The following ERMP1 variants were observed in gnomAD, a reference collection of about 807,000 sequenced individuals.
ERMP1 encodes the protein Felix-ina.
In ERMP1, 86 loss-of-function variants were observed where a neutral mutation model predicts 92.0. That is an observed-to-expected ratio of 0.93 (90% CI 0.79 to 1.12). ERMP1 has a LOEUF of 1.12. ERMP1 is among the 50% of genes most tolerant of loss of function. The probability of loss-of-function intolerance (pLI) is 0.00; values close to 1 mark genes in which losing one functional copy is unlikely to be tolerated. For missense variants in ERMP1, 1,342 were observed against 1,116.3 expected (o/e 1.20, Z -2.88); for synonymous variants, 530 against 412.8 (o/e 1.28, Z -3.44).
At chr9:5,811,757 C>A (rs931026903) in intron 6 of ERMP1, among the ~76,000 whole-genome samples, 3 of 152,108 alleles carry the variant, frequency 2.0e-5, no homozygotes, top group African/African-American at 7.2e-5. Context: ...GAGACAAAGG[C>A]CTTTCACGAA....
At chr9:5,847,980 A>T (rs1174787225) in intron 6 of ERMP1, among the ~76,000 whole-genome samples, 3 of 152,106 alleles carry the variant, frequency 2.0e-5, no homozygotes, top group Non-Finnish European at 4.4e-5. Context: ...GTTTATTATT[A>T]TCCTGGTTTT....
intron 6 of ERMP1, among the ~76,000 whole-genome samples, chr9:5,843,338 T>A (rs778357084): frequency 6.6e-5 from 10 of 152,352 alleles, no homozygotes; most frequent in African/African-American, 2.4e-4. Context: ...GCTCTGTTAA[T>A]GTTGGAAACA....
At chr9:5,832,413 T>C in intron 1 of ERMP1, 1 of 412,060 alleles carries the variant, frequency 2.4e-6, no homozygotes, top group Non-Finnish European at 4.3e-6. Context: ...CAACCAACCA[T>C]CTGCACGAAG....
rs771736095 is a variant in ERMP1 at position 5,804,662 on chromosome 9, C to T, written c.1914+365G>A. On this transcript the variant is annotated intron_variant, in intron 10 of 14. Coordinates refer to ENST00000339450, the MANE Select transcript of ERMP1 (RefSeq NM_024896.3). Reference sequence around the variant, plus strand: ...CACCCATGTATCTATTAACATGTGCCTCTAATTAGTAATTTCAAAATATAC... The same window carrying T: ...CACCCATGTATCTATTAACATGTGCTTCTAATTAGTAATTTCAAAATATAC... Among the ~76,000 whole-genome samples, 172 of 152,278 alleles carry T rather than the reference C, an allele frequency of 1.1e-3. 2 individuals are homozygous for T. Among genetic ancestry groups the T allele is most frequent in the Non-Finnish European group, 2.3e-3 (159 of 68,022 alleles).
chr9:5,788,085 G>C (rs924532327), intron 13 of ERMP1, among the ~76,000 whole-genome samples: 4 of 152,086 alleles, frequency 2.6e-5, no homozygotes, highest in Admixed American at 2.6e-4. Context: ...GTCATCACTG[G>C]GAACTTCCAA....
intron 5 of ERMP1, among the ~76,000 whole-genome samples, chr9:5,862,307 C>T (rs1355397459): frequency 2.0e-5 from 3 of 152,066 alleles, no homozygotes; most frequent in Non-Finnish European, 4.4e-5. Flanking sequence ...GCTGGGATTA[C>T]AGACATGAGC....
rs1204463939 is a variant in ERMP1, at chr9:5,806,609, A to C, written c.1549-824T>G. Among the ~76,000 whole-genome samples the C allele has an allele frequency of 1.4e-5, 2 of 147,436 alleles. 1 individual carries two copies. The highest frequency in any genetic ancestry group is 4.3e-4 in the South Asian group (2 of 4,632). ...ACACCCAGCAAAGTTTAAAAAAAAC[A>C]TTTTTTTTTTGGCAGAGACAGGGTC... On this transcript the variant is annotated intron_variant, in intron 8 of 14. Coordinates refer to ENST00000339450, the MANE Select transcript of ERMP1 (RefSeq NM_024896.3).
chr9:5,791,402 T>G (rs1021713754), intron 13 of ERMP1: 2 of 440,744 alleles, frequency 4.5e-6, no homozygotes, highest in African/African-American at 2.0e-5. Context: ...TGAGGCTCAC[T>G]TGCATTATGG....
At chr9:5,826,145 C>G (rs1448375185) in intron 2 of ERMP1, among the ~76,000 whole-genome samples, 1 of 152,168 alleles carries the variant, frequency 6.6e-6, no homozygotes, top group Non-Finnish European at 1.5e-5. Context: ...GAAACAAGAT[C>G]AGACTGCTGA....
chr9:5,824,334 G>A lies in ERMP1; in HGVS notation c.769-333C>T, dbSNP rs1829654294. On this transcript the variant is annotated intron_variant, in intron 3 of 14. Coordinates refer to ENST00000339450, the MANE Select transcript of ERMP1 (RefSeq NM_024896.3). The stretch of plus-strand genomic sequence containing the variant: ...CACACCTGTAATCCCAAAACTTTGG[G>A]AGGCCATGGTGGGAAGATCACCCGA... 2.6e-5 allele frequency among the ~76,000 whole-genome samples: 4 copies of A among 152,314 alleles called. No individual in the cohort carries two copies. The South Asian group carries it at 6.2e-4, about 24-fold the overall frequency.
At chr9:5,834,584 C>G (rs1340893623), upstream of ERMP1, among the ~76,000 whole-genome samples, 1 of 152,216 alleles carries the variant, frequency 6.6e-6, no homozygotes, top group Non-Finnish European at 1.5e-5. Flanking sequence ...AGATCCCTTT[C>G]AGTCTGTAAG....
At chr9:5,840,300 G>C (rs1160237890) in intron 6 of ERMP1, among the ~76,000 whole-genome samples, 2 of 152,140 alleles carry the variant, frequency 1.3e-5, no homozygotes, top group South Asian at 4.1e-4. Context: ...AGGGAGGAAG[G>C]TTGGGAGGGA....
rs1012136640 is a variant in ERMP1, at chr9:5,786,306, A to T, written c.*838T>A. The T allele has an allele frequency of 1.2e-4, 19 of 152,350 alleles. No homozygotes were observed. The highest frequency in any genetic ancestry group is 4.6e-4 in the African/African-American group (19 of 41,580). The allele number at this position is 152,350 out of a possible 1,614,324, so 9.4% of individuals were successfully genotyped here. On this transcript the variant is annotated 3_prime_UTR_variant, in exon 15 of 15. Coordinates refer to ENST00000339450, the MANE Select transcript of ERMP1 (RefSeq NM_024896.3). ...CCCAGAATAGCCCAGATGGCAGCTC[A>T]GTGCTCTGAGGAAGGAAGTTAAGGT...
At chr9:5,823,083 G>C (rs951614968) in intron 4 of ERMP1, among the ~76,000 whole-genome samples, 1 of 152,126 alleles carries the variant, frequency 6.6e-6, no homozygotes, top group Non-Finnish European at 1.5e-5. Flanking sequence ...CCAGGAGTTT[G>C]AGACCAGCCT....
chr9:5,787,060 C>A lies in ERMP1; in HGVS notation c.*84G>T. On this transcript the variant is annotated 3_prime_UTR_variant, in exon 15 of 15. Transcript: ENST00000339450. The stretch of plus-strand genomic sequence containing the variant: ...ATGATCATTAAAATTCATTGACTTA[C>A]GTTACAAACATCCACGTAACATAGG... 1 of 1,316,302 alleles carries A rather than the reference C, an allele frequency of 7.6e-7. No individual in the cohort carries two copies. Among genetic ancestry groups the A allele is most frequent in the Non-Finnish European group, 1.0e-6 (1 of 955,064 alleles). 81.5% of individuals were successfully genotyped at this position (1,316,302 alleles called of 1,614,324 possible). A position where few individuals can be genotyped will look rare whatever the true frequency, so the allele number is the denominator to read the frequency against.
rs574971511 is a variant in ERMP1 at position 5,832,998 on chromosome 9, C to T, written c.30G>A (p.Val10=). 5 of 1,558,392 alleles carry T rather than the reference C, an allele frequency of 3.2e-6. No individual in the cohort carries two copies. The highest frequency in any genetic ancestry group is 4.3e-6 in the Non-Finnish European group (5 of 1,163,176). MEWGSESAA[V]RRHRVGVERR... is the part of the protein sequence containing the mutation. ...GCTCTACTCCGACGCGGTGCCGCCT[C>T]ACAGCAGCCGACTCAGAACCCCACT... The change falls in exon 1 of 15, where the codon GTG becomes GTA. Residue 10 remains valine (V), a synonymous_variant. Transcript: ENST00000339450.
intron 6 of ERMP1, among the ~76,000 whole-genome samples, chr9:5,845,154 TTGTTG>T (rs1563780205): frequency 1.2e-5 from 1 of 83,994 alleles, no homozygotes; most frequent in South Asian, 4.1e-4. Flanking sequence ...TTTTTTTTTT[TTGTTG>T]TTGTGGTGGT....
At chr9:5,788,233 TCA>T (rs1828022625) in intron 13 of ERMP1, among the ~76,000 whole-genome samples, 1 of 152,212 alleles carries the variant, frequency 6.6e-6, no homozygotes, top group Non-Finnish European at 1.5e-5. Flanking sequence ...GGGAGCAATC[TCA>T]CACACTTGTG....
At chr9:5,827,479 T>C (rs1397869659) in intron 2 of ERMP1, among the ~76,000 whole-genome samples, 1 of 152,274 alleles carries the variant, frequency 6.6e-6, no homozygotes, top group Non-Finnish European at 1.5e-5. Flanking sequence ...ATTTGATGAA[T>C]GTGTGAAACA....
Sources: allele counts gnomAD v4.1 joint callset (sites outside exome capture counted in the v4.1 genomes callset), GRCh38; gene constraint gnomAD v4.1.1; transcripts MANE v1.5; gene names NCBI Gene and HGNC (gene_info 2026-07-23, HGNC 2026-07-21).